The following GLB1L3 variants were observed in gnomAD, a reference collection of about 807,000 sequenced individuals.
GLB1L3 encodes the protein galactosidase beta 1 like 3.
A neutral mutation model predicts 89.5 loss-of-function variants in GLB1L3; 89 were observed. That is an observed-to-expected ratio of 0.99 (90% CI 0.84 to 1.19). The LOEUF is 1.19. Ranked by LOEUF, GLB1L3 falls within the 50% of genes most tolerant of loss-of-function variation. The probability of loss-of-function intolerance (pLI) is 0.00; values close to 1 mark genes in which losing one functional copy is unlikely to be tolerated. For missense variants in GLB1L3, 812 were observed against 813.3 expected (o/e 1.00, Z 0.02); for synonymous variants, 314 against 312.3 (o/e 1.01, Z -0.06).
At chr11:134,321,120 A>G (rs144034913), downstream of GLB1L3, among the ~76,000 whole-genome samples, 382 of 152,360 alleles carry the variant, frequency 2.5e-3, 1 homozygote, top group Middle Eastern at 0.01. Context: ...CCATAGAAAT[A>G]GAGCCAATGT....
intron 9 of GLB1L3, among the ~76,000 whole-genome samples, chr11:134,304,501 C>T (rs774938120): frequency 1.3e-4 from 20 of 151,992 alleles, no homozygotes; most frequent in Non-Finnish European, 2.5e-4. Context: ...CTCCTGCATC[C>T]ATTTCCTTCT....
At chr11:134,304,270 A>G (rs1942082350) in intron 9 of GLB1L3, among the ~76,000 whole-genome samples, 1 of 152,060 alleles carries the variant, frequency 6.6e-6, no homozygotes, top group Non-Finnish European at 1.5e-5. Context: ...CATATACACG[A>G]ATTCTCTTTT....
chr11:134,318,603 C>T (rs1284481920), intron 18 of GLB1L3, 28 bp from the exon 19 acceptor site: 13 of 1,445,176 alleles, frequency 9.0e-6, no homozygotes, highest in Non-Finnish European at 1.3e-5. Flanking sequence ...GAACCAATTT[C>T]CAAATCTCAA....
intron 7 of GLB1L3, among the ~76,000 whole-genome samples, chr11:134,290,188 C>T (rs975653314): frequency 6.7e-6 from 1 of 148,454 alleles, no homozygotes; most frequent in Non-Finnish European, 1.5e-5. Context: ...ATTATTTAAT[C>T]GGTTGTATTC....
chr11:134,310,346 G>A (rs1942662239), intron 11 of GLB1L3: 2 of 546,260 alleles, frequency 3.7e-6, no homozygotes, highest in Non-Finnish European at 6.5e-6. Context: ...AAGTGAAGAA[G>A]TGGGGGCAAG....
chr11:134,292,997 T>C, intron 8 of GLB1L3, 148 bp from the exon 9 acceptor site: 1 of 684,914 alleles, frequency 1.5e-6, no homozygotes, highest in Non-Finnish European at 2.6e-6. Context: ...CCTTTGGATG[T>C]GGCAGAGTGG....
Position 134,313,391 on chromosome 11 carries a change from A to C in GLB1L3, c.1501-5A>C. 6.4e-7 allele frequency: 1 copy of C among 1,574,098 alleles called. No individual in the cohort carries two copies. The highest frequency in any genetic ancestry group is 8.6e-7 in the Non-Finnish European group (1 of 1,159,656). ...TGGTCTCCATGACCTGGCCTGTCCCAGCAGGACTGCCGATACCTGAGGATC... is the reference window on the plus strand; with the variant it reads ...TGGTCTCCATGACCTGGCCTGTCCCCGCAGGACTGCCGATACCTGAGGATC... On this transcript the variant is annotated splice_region_variant and splice_polypyrimidine_tract_variant and intron_variant, in intron 15 of 19. Coordinates refer to ENST00000431683, the MANE Select transcript of GLB1L3 (RefSeq NM_001080407.3).
intron 9 of GLB1L3, among the ~76,000 whole-genome samples, chr11:134,302,315 G>A (rs1224457679): frequency 6.7e-6 from 1 of 149,990 alleles, no homozygotes; most frequent in Non-Finnish European, 1.5e-5. Flanking sequence ...TTTAAACGAG[G>A]AGAAAACTGT....
chr11:134,279,364 C>CTTTTTTTTTTTTTTTTTTT (rs10577769), intron 3 of GLB1L3, among the ~76,000 whole-genome samples: 3 of 108,342 alleles, frequency 2.8e-5, no homozygotes, highest in African/African-American at 6.8e-5. Flanking sequence ...TTTTCTTTTT[C>CTTTTTTTTTTTTTTTTTTT]TTTTTTTTTT....
At chr11:134,288,775 A>G in intron 6 of GLB1L3, 23 bp from the exon 7 acceptor site, 1 of 1,590,156 alleles carries the variant, frequency 6.3e-7, no homozygotes, top group Non-Finnish European at 8.6e-7. Context: ...TCACTCTTTA[A>G]CCCTCCTATG....
intron 9 of GLB1L3, among the ~76,000 whole-genome samples, chr11:134,302,633 T>C (rs1198592973): frequency 6.6e-6 from 1 of 152,192 alleles, no homozygotes. Context: ...TGGAATACTT[T>C]CTTTGTTTTA....
At position 134,307,186 on chromosome 11, in the gene GLB1L3, G is replaced by A. The variant is rs1052011194; in HGVS notation, c.939G>A (p.Lys313=). 6.2e-6 allele frequency: 10 copies of A among 1,613,294 alleles called. No individual in the cohort carries two copies. The African/African-American group carries it at 1.1e-4, about 17-fold the overall frequency. ...GCTGGTTCGACAGATGGGGAGATAA[G>A]CACCATGTTAAAGATGCAAAGGGTG... ...WVGWFDRWGD[K]HHVKDAKEVE... The change falls in exon 10 of 20, where the codon AAG becomes AAA. Residue 313 remains lysine (K), a synonymous_variant. Coordinates refer to ENST00000431683, the MANE Select transcript of GLB1L3 (RefSeq NM_001080407.3).
intron 9 of GLB1L3, among the ~76,000 whole-genome samples, chr11:134,296,818 G>A (rs1941671932): frequency 7.6e-6 from 1 of 131,840 alleles, no homozygotes; most frequent in Non-Finnish European, 1.7e-5. Flanking sequence ...TTGTGCACAT[G>A]TACCCTAAAA....
At chr11:134,275,910 G>A (rs991925399), upstream of GLB1L3, 2 of 152,328 alleles carry the variant, frequency 1.3e-5, no homozygotes, top group African/African-American at 4.8e-5. Flanking sequence ...GCCTACCTGA[G>A]AGGACGCCTG....
At chr11:134,308,395 C>T (rs796878960) in intron 10 of GLB1L3, among the ~76,000 whole-genome samples, 1,165 of 49,762 alleles carry the variant, frequency 0.023, 36 homozygotes, top group Middle Eastern at 0.039. Flanking sequence ...ACCATCACCA[C>T]CATCACCATC....
At chr11:134,304,958 C>A (rs1412848159) in intron 9 of GLB1L3, among the ~76,000 whole-genome samples, 1 of 152,072 alleles carries the variant, frequency 6.6e-6, no homozygotes, top group Non-Finnish European at 1.5e-5. Flanking sequence ...CTTATTGGCT[C>A]AAGGACTCAA....
chr11:134,278,555 G>A (rs75008083), intron 3 of GLB1L3, among the ~76,000 whole-genome samples: 220 of 152,198 alleles, frequency 1.4e-3, no homozygotes, highest in African/African-American at 4.7e-3. Flanking sequence ...CACCACGGTC[G>A]TCCTCATGCC....
Position 134,292,219 on chromosome 11 carries a change from C to A in GLB1L3, c.811+6C>A, listed in dbSNP as rs777570906. On this transcript the variant is annotated splice_donor_region_variant and intron_variant, in intron 8 of 19. Coordinates refer to ENST00000431683, the MANE Select transcript of GLB1L3 (RefSeq NM_001080407.3). ...GAGTGGCCACACCAAAGGAGGTACA[C>A]ATTTAGAGTTAGTTCACAGGAGAAC... is the stretch of plus-strand genomic sequence containing the variant. 6.2e-7 allele frequency: 1 copy of A among 1,605,828 alleles called. No individual in the cohort carries two copies. The highest frequency in any genetic ancestry group is 1.1e-5 in the South Asian group (1 of 90,472).
downstream of GLB1L3, among the ~76,000 whole-genome samples, chr11:134,324,027 C>T (rs1000688097): frequency 3.9e-5 from 6 of 152,210 alleles, no homozygotes; most frequent in African/African-American, 1.4e-4. Context: ...CCACTTATGG[C>T]CTTAGCCATG....
Sources: gnomAD v4.1 joint callset for allele counts (sites outside exome capture counted in the v4.1 genomes callset) on GRCh38, gnomAD v4.1.1 for gene constraint, MANE v1.5 for transcripts, NCBI Gene and HGNC (gene_info 2026-07-23, HGNC 2026-07-21) for gene names.